The following SLC25A24 variants were observed in gnomAD, a reference collection of about 807,000 sequenced individuals.
SLC25A24 encodes solute carrier family 25 member 24, also known as mitochondrial adenyl nucleotide antiporter SLC25A24.
A neutral mutation model predicts 60.7 loss-of-function variants in SLC25A24; 49 were observed. The ratio of observed to expected loss-of-function variants is 0.81; its 90% CI spans 0.64 to 1.02. The LOEUF (loss-of-function observed/expected upper bound fraction) is 1.02. Among genes scored for constraint, SLC25A24 ranks in the 50% least tolerant of loss-of-function variants. The pLI, the probability that SLC25A24 is intolerant of heterozygous loss-of-function variation, is 0.00. For synonymous variants in SLC25A24, 202 were observed against 200.6 expected, an observed-to-expected ratio of 1.01 and a Z score of -0.06; for missense variants, 564 against 586.3, an observed-to-expected ratio of 0.96 and a Z score of 0.39.
chr1:108,171,534 G>C (rs75320703), intron 3 of SLC25A24, among the ~76,000 whole-genome samples: 4,022 of 152,228 alleles, frequency 0.026, 189 homozygotes, highest in African/African-American at 0.093. Flanking sequence ...CTCCAGGGCT[G>C]TATATGTCCT....
intron 9 of SLC25A24, among the ~76,000 whole-genome samples, chr1:108,137,132 T>C (rs1679312523): frequency 6.6e-6 from 1 of 152,142 alleles, no homozygotes. Flanking sequence ...ATTTTGTAAG[T>C]GAGCAATTGG....
chr1:108,177,608 G>A (rs1236639265), intron 3 of SLC25A24, among the ~76,000 whole-genome samples: 3 of 152,120 alleles, frequency 2.0e-5, no homozygotes, highest in Admixed American at 2.0e-4. Context: ...GAGAGCAGGA[G>A]TAACTTTACT....
chr1:108,165,825 A>C (rs1293156083), intron 3 of SLC25A24, among the ~76,000 whole-genome samples: 1 of 152,060 alleles, frequency 6.6e-6, no homozygotes, highest in African/African-American at 2.4e-5. Context: ...TGTGAATTTG[A>C]TCCTGTCATT....
chr1:108,186,080 T>TATC (rs1558026280), intron 1 of SLC25A24, 126 bp from the exon 2 acceptor site: 4 of 601,346 alleles, frequency 6.7e-6, no homozygotes, highest in East Asian at 6.5e-5. Context: ...TGGCCAGATG[T>TATC]ATCATCATTC....
intron 3 of SLC25A24, among the ~76,000 whole-genome samples, chr1:108,178,745 C>T (rs1647803388): frequency 6.6e-6 from 1 of 151,552 alleles, no homozygotes; most frequent in Admixed American, 6.6e-5. Flanking sequence ...ACCCGGGAGG[C>T]GGAGCTTGCA....
Position 108,136,650 on chromosome 1 carries a change from A to G in SLC25A24, c.*3T>C. 1 of 1,608,914 alleles carries G rather than the reference A, an allele frequency of 6.2e-7. No homozygotes were observed. Among genetic ancestry groups the G allele is most frequent in the Non-Finnish European group, 8.5e-7 (1 of 1,176,576 alleles). ...TTATCAGGCTAAAGCAAAAAATGCA[A>G]CATCATTTCTGGGTTACTCCTAAAG... On this transcript the variant is annotated 3_prime_UTR_variant, in exon 10 of 10. Coordinates refer to ENST00000565488, the MANE Select transcript of SLC25A24 (RefSeq NM_013386.5).
chr1:108,167,794 A>G (rs1647261321), intron 3 of SLC25A24, among the ~76,000 whole-genome samples: 1 of 152,178 alleles, frequency 6.6e-6, no homozygotes, highest in African/African-American at 2.4e-5. Context: ...AGCTGTTCCT[A>G]TTCAGCCATC....
chr1:108,170,532 A>C (rs1268157246), intron 3 of SLC25A24, among the ~76,000 whole-genome samples: 1 of 152,104 alleles, frequency 6.6e-6, no homozygotes, highest in Non-Finnish European at 1.5e-5. Context: ...TGCTTGACCT[A>C]TCAAATACAG....
At chr1:108,190,508 C>A (rs1374465479) in intron 1 of SLC25A24, among the ~76,000 whole-genome samples, 1 of 152,068 alleles carries the variant, frequency 6.6e-6, no homozygotes, top group Non-Finnish European at 1.5e-5. Context: ...GTTTTCTGGG[C>A]AGACTGCTGT....
rs534619954 is a variant in SLC25A24 at position 108,134,133 on chromosome 1, G to A, written c.*2520C>T. The A allele has an allele frequency of 2.0e-5, 3 of 152,328 alleles. No homozygotes were observed. The highest frequency in any genetic ancestry group is 4.4e-5 in the Non-Finnish European group (3 of 68,034). The allele number at this position is 152,328 out of a possible 1,614,324, so 9.4% of individuals were successfully genotyped here. A position where few individuals can be genotyped will look rare whatever the true frequency, so the allele number is the denominator to read the frequency against. On this transcript the variant is annotated 3_prime_UTR_variant, in exon 10 of 10. Transcript: ENST00000565488. ...AGCATTTTTCTAACAAAGATTCCCTGAGAACAGAGGAGCAGATGCTGGCAA... is the reference window on the plus strand; with the variant it reads ...AGCATTTTTCTAACAAAGATTCCCTAAGAACAGAGGAGCAGATGCTGGCAA...
At position 108,157,616 on chromosome 1, in the gene SLC25A24, A is replaced by G. The variant is rs768577481; in HGVS notation, c.515T>C (p.Ile172Thr). Residue 172 changes from isoleucine (I) to threonine (T), a missense_variant, in exon 5 of 10, where the codon ATT becomes ACT. Coordinates refer to ENST00000565488, the MANE Select transcript of SLC25A24 (RefSeq NM_013386.5). Reference sequence around the variant, plus strand: ...AATAGTTAAGCTATCCCCTATGTCAATTCCCTGTAAAAATGAAAAAAAGAT... The same window carrying G: ...AATAGTTAAGCTATCCCCTATGTCAGTTCCCTGTAAAAATGAAAAAAAGAT... ...IIRFWKHSTG[I>T]DIGDSLTIPD... 1.2e-6 allele frequency: 2 copies of G among 1,610,992 alleles called. No individual in the cohort carries two copies. Among genetic ancestry groups the G allele is most frequent in the Non-Finnish European group, 1.7e-6 (2 of 1,177,894 alleles).
chr1:108,139,868 T>A (rs1002754271), intron 8 of SLC25A24, among the ~76,000 whole-genome samples: 23 of 152,200 alleles, frequency 1.5e-4, no homozygotes, highest in African/African-American at 5.1e-4. Context: ...CGCCTCGGCC[T>A]CCCAAAGTGC....
At chr1:108,183,853 T>G (rs886820387) in intron 2 of SLC25A24, among the ~76,000 whole-genome samples, 1 of 152,242 alleles carries the variant, frequency 6.6e-6, no homozygotes, top group African/African-American at 2.4e-5. Context: ...TAGCTAGGAA[T>G]GTACATGCTG....
chr1:108,139,096 T>A lies in SLC25A24; in HGVS notation c.1211A>T (p.Tyr404Phe), dbSNP rs768776765. 2.5e-6 allele frequency: 4 copies of A among 1,608,288 alleles called. No individual in the cohort carries two copies. In the Admixed American group the frequency reaches 6.8e-5, roughly 27 times the overall value. Residue 404 changes from tyrosine to phenylalanine, a missense_variant, in exon 9 of 10, where the codon TAC becomes TTC. Transcript: ENST00000565488. ...GCGAGTTCTCACCAAAGCCAATGGG[T>A]AGCTGGCCAGCTGACCACAGGTGCT... The part of the protein sequence containing the change: ...LSSTCGQLAS[Y>F]PLALVRTRMQ...
At chr1:108,179,523 C>T (rs1647838817) in intron 3 of SLC25A24, among the ~76,000 whole-genome samples, 1 of 151,864 alleles carries the variant, frequency 6.6e-6, no homozygotes, top group Non-Finnish European at 1.5e-5. Context: ...AAGTGTCCAC[C>T]AATGCATGAA....
chr1:108,166,048 T>A (rs1422309179), intron 3 of SLC25A24, among the ~76,000 whole-genome samples: 1 of 152,126 alleles, frequency 6.6e-6, no homozygotes, highest in Middle Eastern at 3.4e-3. Flanking sequence ...CTCCTTCACT[T>A]ATGAAGCTTA....
At chr1:108,199,477 C>T (rs1000628821) in intron 1 of SLC25A24, 27 of 173,966 alleles carry the variant, frequency 1.6e-4, no homozygotes, top group Non-Finnish European at 2.6e-4. Context: ...GGGGGAAACA[C>T]GCGATTGGTT....
rs748735864 is a variant in SLC25A24 at position 108,139,095 on chromosome 1, G to C, written c.1212C>G (p.Tyr404Ter). The C allele has an allele frequency of 1.2e-6, 2 of 1,607,746 alleles. No homozygotes were observed. The highest frequency in any genetic ancestry group is 1.7e-6 in the Non-Finnish European group (2 of 1,177,010). Residue 404 changes from tyrosine to a stop codon, truncating the protein, a stop_gained, in exon 9 of 10, where the codon TAC becomes TAG. Transcript: ENST00000565488. LOFTEE classifies it high-confidence loss of function. ...TGCGAGTTCTCACCAAAGCCAATGG[G>C]TAGCTGGCCAGCTGACCACAGGTGC... ...LSSTCGQLAS[Y>*]PLALVRTRMQ...
At position 108,144,364 on chromosome 1, in the gene SLC25A24, T is replaced by C. The variant is rs1030623313; in HGVS notation, c.931-654A>G. Among the ~76,000 whole-genome samples, 8 of 152,140 alleles carry C rather than the reference T, an allele frequency of 5.3e-5. No homozygotes were observed. The East Asian group carries it at 1.5e-3, about 29-fold the overall frequency. On this transcript the variant is annotated intron_variant, in intron 7 of 9. Transcript: ENST00000565488. Reference sequence around the variant, plus strand: ...CCTGTAAAGACTAAATAGTAAAATATCTGTCGTTGCAAGCCTAAAATATTA... The same window carrying C: ...CCTGTAAAGACTAAATAGTAAAATACCTGTCGTTGCAAGCCTAAAATATTA...
Sources: gnomAD v4.1 joint callset for allele counts (sites outside exome capture counted in the v4.1 genomes callset) on GRCh38, gnomAD v4.1.1 for gene constraint, MANE v1.5 for transcripts, NCBI Gene and HGNC (gene_info 2026-07-23, HGNC 2026-07-21) for gene names.